Variants in ATP6V1H observed in about 807,000 individuals in gnomAD.
ATP6V1H encodes V-type proton ATPase subunit H.
A neutral mutation model predicts 71.7 loss-of-function variants in ATP6V1H; 39 were observed. The observed-to-expected ratio is 0.54, with a 90% CI of 0.42 to 0.71. ATP6V1H has a LOEUF of 0.71. ATP6V1H is among the 30% of genes least tolerant of loss of function. The pLI, the probability that ATP6V1H is intolerant of heterozygous loss-of-function variation, is 0.00. For synonymous variants in ATP6V1H, 192 were observed against 199.3 expected (o/e 0.96, Z 0.31); for missense variants, 509 against 594.9 (o/e 0.86, Z 1.50).
rs142498058 is a variant in ATP6V1H, at chr8:53,833,060, C to G, written c.140G>C (p.Cys47Ser). 1.9e-6 allele frequency: 3 copies of G among 1,613,558 alleles called. No individual in the cohort carries two copies. The highest frequency in any genetic ancestry group is 2.5e-6 in the Non-Finnish European group (3 of 1,179,684). Residue 47 changes from cysteine to serine, a missense_variant, in exon 3 of 14, where the codon TGT (cysteine) becomes TCT (serine). Around this residue, in one of 2 missense-constraint regions of ATP6V1H, gnomAD observed 297 missense variants for 303.3 expected, o/e 0.98. Transcript: ENST00000359530. Reference protein sequence around the residue: ...LQGQMISAEDCEFIQRFEMKR... With the variant: ...LQGQMISAEDSEFIQRFEMKR... Reference sequence around the variant, plus strand: ...CATTTCAAACCTCTGAATAAACTCACAATCTTCAGCAGAAATCATCTGTCC... The same window carrying G: ...CATTTCAAACCTCTGAATAAACTCAGAATCTTCAGCAGAAATCATCTGTCC...
chr8:53,781,752 T>C (rs1198745582), intron 9 of ATP6V1H, among the ~76,000 whole-genome samples: 5 of 151,146 alleles, frequency 3.3e-5, no homozygotes, highest in Non-Finnish European at 5.9e-5. Context: ...TTCAGCTTTC[T>C]ACATATGGCT....
chr8:53,798,610 AACACAC>A (rs59831761), intron 8 of ATP6V1H, among the ~76,000 whole-genome samples: 14 of 148,450 alleles, frequency 9.4e-5, no homozygotes, highest in South Asian at 4.3e-4. Context: ...CAATGTGAGA[AACACAC>A]ACACACACAC....
chr8:53,805,237 G>A (rs187604128), intron 7 of ATP6V1H, among the ~76,000 whole-genome samples: 1 of 152,242 alleles, frequency 6.6e-6, no homozygotes, highest in Admixed American at 6.5e-5. Context: ...AGTCTGCTTG[G>A]AGTAAAAGGC....
rs114861907 is a variant in ATP6V1H at position 53,742,120 on chromosome 8, C to T, written c.1391+1457G>A. ...TACAAGGCCCTACACGATCAGGTCTCTGCCTACCTCTCCTGAACCATGTTT... is the reference window on the plus strand; with the variant it reads ...TACAAGGCCCTACACGATCAGGTCTTTGCCTACCTCTCCTGAACCATGTTT... On this transcript the variant is annotated intron_variant, in intron 13 of 13. Coordinates refer to ENST00000359530, the MANE Select transcript of ATP6V1H (RefSeq NM_015941.4). 4.5e-3 allele frequency among the ~76,000 whole-genome samples: 680 copies of T among 152,324 alleles called. 9 individuals are homozygous for T. The highest frequency in any genetic ancestry group is 0.015 in the African/African-American group (637 of 41,580).
intron 7 of ATP6V1H, among the ~76,000 whole-genome samples, chr8:53,804,440 C>T (rs766815635): frequency 3.3e-5 from 5 of 152,102 alleles, no homozygotes; most frequent in Admixed American, 6.6e-5. Flanking sequence ...TTTCGGAGGC[C>T]GAGGAGGGTA....
At chr8:53,765,521 CAAAA>C (rs1175934434) in intron 11 of ATP6V1H, among the ~76,000 whole-genome samples, 2 of 111,974 alleles carry the variant, frequency 1.8e-5, no homozygotes, top group South Asian at 5.9e-4. Flanking sequence ...GCATTAGCAC[CAAAA>C]AAAAAGAAAG....
intron 9 of ATP6V1H, among the ~76,000 whole-genome samples, chr8:53,775,259 G>C (rs1407509358): frequency 2.0e-5 from 3 of 152,168 alleles, no homozygotes; most frequent in African/African-American, 7.2e-5. Flanking sequence ...GACCTCCACG[G>C]TATTACAGCT....
intron 10 of ATP6V1H, among the ~76,000 whole-genome samples, chr8:53,770,903 A>G (rs998239022): frequency 6.6e-6 from 1 of 152,204 alleles, no homozygotes; most frequent in African/African-American, 2.4e-5. Flanking sequence ...TAATCAATGT[A>G]TCCATATTTG....
chr8:53,773,429 TAAAA>T (rs1187936444), intron 9 of ATP6V1H, among the ~76,000 whole-genome samples: 1 of 152,104 alleles, frequency 6.6e-6, no homozygotes, highest in Non-Finnish European at 1.5e-5. Context: ...GGCAACTACT[TAAAA>T]AAACAGTAAA....
chr8:53,833,962 A>G (rs1219158749), intron 2 of ATP6V1H, among the ~76,000 whole-genome samples: 1 of 152,144 alleles, frequency 6.6e-6, no homozygotes, highest in East Asian at 1.9e-4. Context: ...AACACAGCTC[A>G]ACCTTCCCAA....
intron 13 of ATP6V1H, among the ~76,000 whole-genome samples, chr8:53,742,758 A>T (rs1807459867): frequency 6.6e-6 from 1 of 152,232 alleles, no homozygotes; most frequent in Admixed American, 6.5e-5. Context: ...AAACGCACTC[A>T]TGCTAGTGCA....
Position 53,801,705 on chromosome 8 carries a change from A to G in ATP6V1H, c.677+94T>C, listed in dbSNP as rs148431022. On this transcript the variant is annotated intron_variant, in intron 8 of 13. Coordinates refer to ENST00000359530, the MANE Select transcript of ATP6V1H (RefSeq NM_015941.4). Reference sequence around the variant, plus strand: ...TTGTTAAACAGATATGAAAAAAATAAAATATTTCTTTTAGATGATTACATA... The same window carrying G: ...TTGTTAAACAGATATGAAAAAAATAGAATATTTCTTTTAGATGATTACATA... 543 of 1,062,528 alleles carry G rather than the reference A, an allele frequency of 5.1e-4. 3 individuals carry two copies. In the African/African-American group the frequency reaches 8.0e-3, roughly 16 times the overall value. The allele number at this position is 1,062,528 out of a possible 1,614,324, so 65.8% of individuals were successfully genotyped here.
At chr8:53,750,900 G>C (rs1264575548) in intron 12 of ATP6V1H, among the ~76,000 whole-genome samples, 1 of 152,162 alleles carries the variant, frequency 6.6e-6, no homozygotes, top group East Asian at 1.9e-4. Flanking sequence ...TGATTTACTT[G>C]CTTCAGCAAA....
intron 9 of ATP6V1H, among the ~76,000 whole-genome samples, chr8:53,773,737 C>T (rs1373245615): frequency 6.6e-6 from 1 of 152,130 alleles, no homozygotes; most frequent in Non-Finnish European, 1.5e-5. Context: ...GATACTAGAA[C>T]ACACAGACTT....
intron 9 of ATP6V1H, among the ~76,000 whole-genome samples, chr8:53,794,036 T>C (rs1183736762): frequency 6.6e-6 from 1 of 152,096 alleles, no homozygotes; most frequent in Non-Finnish European, 1.5e-5. Flanking sequence ...TGGGCAAACA[T>C]ATGTAAAAGA....
Position 53,813,466 on chromosome 8 carries a change from G to A in ATP6V1H, c.525+1196C>T, listed in dbSNP as rs118029577. Among the ~76,000 whole-genome samples, 74 of 152,278 alleles carry A rather than the reference G, an allele frequency of 4.9e-4. No individual in the cohort carries two copies. The East Asian group carries it at 0.014, about 28-fold the overall frequency. On this transcript the variant is annotated intron_variant, in intron 6 of 13. Transcript: ENST00000359530. ...AAAAATTTCAAATAGACATTCATTT[G>A]TAATCTAACAACCTAATAATATTGT...
intron 9 of ATP6V1H, among the ~76,000 whole-genome samples, chr8:53,793,142 T>C (rs926167182): frequency 8.5e-5 from 13 of 152,158 alleles, no homozygotes; most frequent in South Asian, 2.1e-4. Flanking sequence ...AGAATATAAA[T>C]AGCCAATAAT....
At chr8:53,795,614 T>G (rs778949763) in intron 9 of ATP6V1H, 33 bp downstream of exon 9, 1 of 1,592,212 alleles carries the variant, frequency 6.3e-7, no homozygotes, top group South Asian at 1.1e-5. Flanking sequence ...GAAAAATGCC[T>G]CACATACACA....
At chr8:53,799,416 T>G (rs917354018) in intron 8 of ATP6V1H, among the ~76,000 whole-genome samples, 7 of 152,196 alleles carry the variant, frequency 4.6e-5, no homozygotes, top group African/African-American at 1.7e-4. Flanking sequence ...TGCATTATCT[T>G]TTATGGAGGT....
Sources: gnomAD v4.1 joint callset for allele counts (sites outside exome capture counted in the v4.1 genomes callset) on GRCh38, gnomAD v4.1.1 for gene constraint, gnomAD v4.1.1 regional missense constraint, MANE v1.5 for transcripts, NCBI Gene and HGNC (gene_info 2026-07-23, HGNC 2026-07-21) for gene names.